The following HTRA3 variants were observed in gnomAD, a reference collection of about 807,000 sequenced individuals.
HTRA3 encodes the protein HtrA serine peptidase 3, also known as serine protease HTRA3.
HTRA3 carries 41 observed loss-of-function variants against 43.2 expected under a neutral mutation model. That is an observed-to-expected ratio of 0.95 (90% confidence interval 0.74 to 1.23). The LOEUF (loss-of-function observed/expected upper bound fraction) is 1.23. Among genes scored for constraint, HTRA3 ranks in the 50% most tolerant of loss-of-function variants. The pLI is 0.00. For synonymous variants in HTRA3, 295 were observed against 287.9 expected, an observed-to-expected ratio of 1.02 and a Z score of -0.25; for missense variants, 628 against 647.1, an observed-to-expected ratio of 0.97 and a Z score of 0.32.
At chr4:8,304,353 C>T (rs1713760915) in intron 8 of HTRA3, 74 bp downstream of exon 8, 1 of 1,176,852 alleles carries the variant, frequency 8.5e-7, no homozygotes, top group Non-Finnish European at 1.2e-6. Flanking sequence ...CCCCACTGAC[C>T]TCATGTGACC....
In HTRA3 at chr4:8,291,471, A is replaced by G; in HGVS notation, c.810A>G (p.Thr270=). The change falls in exon 4 of 9, where the codon ACA becomes ACG. Residue 270 remains threonine, a synonymous_variant. Coordinates refer to ENST00000307358, the MANE Select transcript of HTRA3 (RefSeq NM_053044.5). ...CCTTCGCCCTACAGAACACAGTGACAACGGGCATCGTCAGCACTGCCCAGC... is the reference window on the plus strand; with the variant it reads ...CCTTCGCCCTACAGAACACAGTGACGACGGGCATCGTCAGCACTGCCCAGC... ...GSPFALQNTV[T]TGIVSTAQRE... 6.2e-7 allele frequency: 1 copy of G among 1,613,104 alleles called. No individual in the cohort carries two copies. Among genetic ancestry groups the G allele is most frequent in the Non-Finnish European group, 8.5e-7 (1 of 1,179,996 alleles).
rs1171344397 is a variant in HTRA3, at chr4:8,297,234, T to C, written c.1051+3033T>C. On this transcript the variant is annotated intron_variant, in intron 6 of 8. Transcript: ENST00000307358. This position sits in a 1 kb window ranked among gnomAD's most constrained non-coding sequence, Gnocchi z 5.8. ...ACGGGCAGGGAGGCTGGTGGCCCCA[T>C]ACTTGGTGTGTGTTCTGCTCACCTC... Among the ~76,000 whole-genome samples the C allele has an allele frequency of 4.6e-5, 7 of 151,896 alleles. No homozygotes were observed. Among genetic ancestry groups the C allele is most frequent in the Non-Finnish European group, 1.5e-5 (1 of 68,006 alleles).
intron 3 of HTRA3, among the ~76,000 whole-genome samples, chr4:8,287,123 T>G (rs1183723760): frequency 1.3e-5 from 2 of 152,174 alleles, no homozygotes; most frequent in African/African-American, 4.8e-5. Context: ...ACCTGCCCCA[T>G]GGGATGGCAT....
At chr4:8,283,569 G>A (rs978941803) in intron 2 of HTRA3, among the ~76,000 whole-genome samples, 3 of 152,258 alleles carry the variant, frequency 2.0e-5, no homozygotes, top group African/African-American at 7.2e-5. Flanking sequence ...CTGAAGTTTA[G>A]AGTGTTTCTC....
chr4:8,292,846 C>G (rs1389344129), intron 5 of HTRA3, among the ~76,000 whole-genome samples: 7 of 152,294 alleles, frequency 4.6e-5, no homozygotes, highest in South Asian at 4.1e-4. Context: ...AAGCTCCTAT[C>G]CATGGCTGGG....
chr4:8,271,565 C>T (rs527907306), intron 1 of HTRA3, among the ~76,000 whole-genome samples: 205 of 152,296 alleles, frequency 1.3e-3, no homozygotes, highest in African/African-American at 4.6e-3. Context: ...GCTGGTACAA[C>T]GCCTGAGACT....
At chr4:8,271,227 AT>A (rs61052892) in intron 1 of HTRA3, among the ~76,000 whole-genome samples, 65,505 of 151,858 alleles carry the variant, frequency 0.43, 16,508 homozygotes, top group African/African-American at 0.7. Context: ...GGGCTTCCTC[AT>A]TTTTTCTGCG....
Position 8,286,114 on chromosome 4 carries a change from C to T in HTRA3, c.486-447C>T, listed in dbSNP as rs560134961. On this transcript the variant is annotated intron_variant, in intron 2 of 8. Coordinates refer to ENST00000307358, the MANE Select transcript of HTRA3 (RefSeq NM_053044.5). This position sits in a 1 kb window ranked among gnomAD's most constrained non-coding sequence, Gnocchi z 4.9. ...GTTTTAGAGCCCAGGCATCACCACT[C>T]GGCGGAGGAGGTGTTGTTGTCCCAT... 9.2e-5 allele frequency among the ~76,000 whole-genome samples: 14 copies of T among 152,302 alleles called. No homozygotes were observed. The highest frequency in any genetic ancestry group is 2.2e-4 in the African/African-American group (9 of 41,568).
chr4:8,297,157 A>G lies in HTRA3; in HGVS notation c.1051+2956A>G, dbSNP rs1414531139. Among the ~76,000 whole-genome samples the G allele has an allele frequency of 6.6e-6, 1 of 152,004 alleles. No individual in the cohort carries two copies. The highest frequency in any genetic ancestry group is 1.5e-5 in the Non-Finnish European group (1 of 67,992). On this transcript the variant is annotated intron_variant, in intron 6 of 8. Transcript: ENST00000307358. The surrounding 1 kb of genome is among the most constrained non-coding windows in gnomAD (Gnocchi z 5.8). ...TCCTGAGTCCTTCCCAATAGTGGAA[A>G]AGTCTGGGGAAGGCAGCCCAGCCAC... is the stretch of plus-strand genomic sequence containing the variant.
intron 3 of HTRA3, among the ~76,000 whole-genome samples, chr4:8,287,014 A>G (rs1335016880): frequency 6.6e-6 from 1 of 152,130 alleles, no homozygotes; most frequent in Non-Finnish European, 1.5e-5. Context: ...TGCAGGGCAG[A>G]GCCAGGAAGC....
intron 1 of HTRA3, among the ~76,000 whole-genome samples, chr4:8,281,424 C>T (rs1712738065): frequency 6.6e-6 from 1 of 152,230 alleles, no homozygotes; most frequent in Admixed American, 6.5e-5. Context: ...TGCAGTCCTC[C>T]ACACTCAGTT....
chr4:8,294,289 C>T (rs1713360343), intron 6 of HTRA3, 88 bp downstream of exon 6: 1 of 937,676 alleles, frequency 1.1e-6, no homozygotes, highest in African/African-American at 1.6e-5. Context: ...GGACCAAGGC[C>T]CACCGGAGGT....
intron 1 of HTRA3, among the ~76,000 whole-genome samples, chr4:8,272,303 C>T (rs1055278854): frequency 6.6e-6 from 1 of 152,190 alleles, no homozygotes; most frequent in Admixed American, 6.5e-5. Flanking sequence ...GCCCTCAAGC[C>T]TCACAGACCA....
At chr4:8,271,060 C>A (rs565661678) in intron 1 of HTRA3, among the ~76,000 whole-genome samples, 8 of 152,124 alleles carry the variant, frequency 5.3e-5, no homozygotes, top group Non-Finnish European at 1.2e-4. Flanking sequence ...TGAAGACAGG[C>A]GACGGGCCCC....
chr4:8,271,259 A>G (rs1417920678), intron 1 of HTRA3, among the ~76,000 whole-genome samples: 1 of 152,102 alleles, frequency 6.6e-6, no homozygotes, highest in East Asian at 1.9e-4. Flanking sequence ...CACAATTCCA[A>G]GTGTTTTCAT....
At chr4:8,277,716 C>T (rs143595226) in intron 1 of HTRA3, among the ~76,000 whole-genome samples, 11 of 152,298 alleles carry the variant, frequency 7.2e-5, no homozygotes, top group Admixed American at 2.0e-4. Flanking sequence ...GTCAATGGGA[C>T]CAGGACACCC....
At chr4:8,294,873 C>T (rs527300791) in intron 6 of HTRA3, among the ~76,000 whole-genome samples, 2 of 143,830 alleles carry the variant, frequency 1.4e-5, no homozygotes, top group East Asian at 4.9e-4. Context: ...ATCCTATATC[C>T]ATCCATCCAC....
chr4:8,291,607 C>A, intron 4 of HTRA3, 43 bp downstream of exon 4: 1 of 1,429,682 alleles, frequency 7.0e-7, no homozygotes, highest in Non-Finnish European at 9.4e-7. Flanking sequence ...GCCATCTGTG[C>A]CCAAGACCTC....
chr4:8,277,584 A>G (rs1430198779), intron 1 of HTRA3, among the ~76,000 whole-genome samples: 5 of 152,216 alleles, frequency 3.3e-5, no homozygotes, highest in Admixed American at 3.3e-4. Context: ...AATGACAGGA[A>G]GGGCATATTC....
Sources: allele counts gnomAD v4.1 joint callset (sites outside exome capture counted in the v4.1 genomes callset), GRCh38; gene constraint gnomAD v4.1.1; non-coding constraint Gnocchi (gnomAD v3.1); transcripts MANE v1.5; gene names NCBI Gene and HGNC (gene_info 2026-07-23, HGNC 2026-07-21).